Variants in CTNNA2 observed in about 807,000 individuals in gnomAD.
The protein encoded by CTNNA2 is catenin alpha 2.
CTNNA2 carries 42 observed loss-of-function variants against 101.0 expected under a neutral mutation model. That is an observed-to-expected ratio of 0.42 (90% CI 0.32 to 0.54). The LOEUF (loss-of-function observed/expected upper bound fraction) is 0.54, where lower values mean the gene tolerates loss of function less well. Among genes scored for constraint, CTNNA2 ranks in the 20% least tolerant of loss-of-function variants. The pLI, the probability that CTNNA2 is intolerant of heterozygous loss-of-function variation, is 0.14. For missense variants in CTNNA2, 871 were observed against 1,223.1 expected (o/e 0.71, Z 4.29); for synonymous variants, 450 against 456.4 (o/e 0.99, Z 0.18).
chr2:79,359,799 C>A (rs1165993023), intron 3 of CTNNA2, among the ~76,000 whole-genome samples: 1 of 149,804 alleles, frequency 6.7e-6, no homozygotes, highest in African/African-American at 2.4e-5. Flanking sequence ...TTTTTTTTTT[C>A]TGTAATACTA....
chr2:79,806,608 C>T (rs1022802641), intron 3 of CTNNA2, among the ~76,000 whole-genome samples: 13 of 151,990 alleles, frequency 8.6e-5, no homozygotes, highest in African/African-American at 3.1e-4. Flanking sequence ...GTGCACACTA[C>T]CTCCTCCCAT....
At chr2:80,358,806 A>G (rs890440753) in intron 7 of CTNNA2, among the ~76,000 whole-genome samples, 1 of 152,178 alleles carries the variant, frequency 6.6e-6, no homozygotes, top group African/African-American at 2.4e-5. Flanking sequence ...TGAATATGTT[A>G]ACATTGTAAA....
At chr2:80,563,448 C>A (rs1236273578) in intron 12 of CTNNA2, among the ~76,000 whole-genome samples, 3 of 152,190 alleles carry the variant, frequency 2.0e-5, no homozygotes, top group Admixed American at 2.0e-4. Context: ...GGAACCTTTG[C>A]ATGTAGCCGG....
chr2:80,107,319 A>G (rs927537817), intron 7 of CTNNA2, among the ~76,000 whole-genome samples: 2 of 152,136 alleles, frequency 1.3e-5, no homozygotes, highest in Non-Finnish European at 1.5e-5. Context: ...CTCAGTCAGT[A>G]GAGAGAGAAA....
At chr2:80,419,366 G>A in intron 8 of CTNNA2, 83 bp from the exon 9 acceptor site, 1 of 1,103,694 alleles carries the variant, frequency 9.1e-7, no homozygotes, top group Non-Finnish European at 1.3e-6. Flanking sequence ...GGTAATGAGA[G>A]CTCAAAAACA....
intron 2 of CTNNA2, among the ~76,000 whole-genome samples, chr2:79,221,433 G>T (rs1674344113): frequency 6.6e-6 from 1 of 152,164 alleles, no homozygotes; most frequent in East Asian, 1.9e-4. Context: ...ACAGGCATGA[G>T]CCACTGCAGC....
chr2:79,312,346 A>G (rs1274884757), intron 2 of CTNNA2, among the ~76,000 whole-genome samples: 1 of 152,206 alleles, frequency 6.6e-6, no homozygotes, highest in Non-Finnish European at 1.5e-5. Context: ...TTACTTGTGA[A>G]GTGAACTGTG....
At chr2:79,465,757 G>A (rs973091710) in intron 4 of CTNNA2, among the ~76,000 whole-genome samples, 7 of 149,706 alleles carry the variant, frequency 4.7e-5, no homozygotes, top group African/African-American at 1.5e-4. Flanking sequence ...GTGAATGGGA[G>A]TTCACTCATG....
At chr2:80,208,531 G>A (rs1399097667) in intron 7 of CTNNA2, among the ~76,000 whole-genome samples, 1 of 152,136 alleles carries the variant, frequency 6.6e-6, no homozygotes, top group Non-Finnish European at 1.5e-5. Flanking sequence ...CATGAAAGGA[G>A]CACTTGAGGT....
chr2:79,295,205 G>C (rs887130015), intron 2 of CTNNA2, among the ~76,000 whole-genome samples: 1 of 152,014 alleles, frequency 6.6e-6, no homozygotes, highest in Non-Finnish European at 1.5e-5. Flanking sequence ...CTCACATTTT[G>C]TCCTCTTTCC....
At chr2:79,249,028 C>T (rs1226117700) in intron 2 of CTNNA2, among the ~76,000 whole-genome samples, 1 of 152,148 alleles carries the variant, frequency 6.6e-6, no homozygotes, top group Non-Finnish European at 1.5e-5. Context: ...ATTTCACAGG[C>T]TTTGGAGTCA....
At chr2:80,050,507 C>T (rs1558761542) in intron 7 of CTNNA2, among the ~76,000 whole-genome samples, 1 of 152,142 alleles carries the variant, frequency 6.6e-6, no homozygotes, top group Admixed American at 6.5e-5. Flanking sequence ...GCTATCTGTG[C>T]CATCTGTTGA....
chr2:80,412,951 A>G lies in CTNNA2; in HGVS notation c.1138-6498A>G, dbSNP rs547653096. On this transcript the variant is annotated intron_variant, in intron 8 of 18. Transcript: ENST00000402739. ...GGTGTCCAACGTCCATTGGCCCTAA[A>G]CATGACACATGGCCAAGCCCAGAGT... is the stretch of plus-strand genomic sequence containing the variant. Among the ~76,000 whole-genome samples the G allele has an allele frequency of 2.8e-4, 43 of 152,308 alleles. 1 individual carries two copies. The South Asian group carries it at 8.7e-3, about 31-fold the overall frequency.
chr2:79,199,921 C>T (rs11673888), intron 2 of CTNNA2, among the ~76,000 whole-genome samples: 24,974 of 152,042 alleles, frequency 0.16, 2,245 homozygotes, highest in Middle Eastern at 0.18. Context: ...TTCCCTTTTC[C>T]CTGTAACCTA....
chr2:79,341,776 G>A (rs981636164), intron 3 of CTNNA2, among the ~76,000 whole-genome samples: 1 of 152,204 alleles, frequency 6.6e-6, no homozygotes, highest in Non-Finnish European at 1.5e-5. Flanking sequence ...TGAATGCGCA[G>A]GTGTCACCTG....
intron 2 of CTNNA2, among the ~76,000 whole-genome samples, chr2:79,264,893 T>G (rs1674969959): frequency 6.6e-6 from 1 of 152,132 alleles, no homozygotes; most frequent in Non-Finnish European, 1.5e-5. Flanking sequence ...TAGCTTTACA[T>G]TCGAGACTGC....
upstream of CTNNA2, among the ~76,000 whole-genome samples, chr2:79,511,519 C>T (rs1671540259): frequency 6.6e-6 from 1 of 152,156 alleles, no homozygotes; most frequent in Non-Finnish European, 1.5e-5. Flanking sequence ...CACGCGGTGT[C>T]ACTGTCCGTG....
intron 9 of CTNNA2, among the ~76,000 whole-genome samples, chr2:80,498,688 AT>A (rs1371258710): frequency 6.6e-6 from 1 of 152,230 alleles, no homozygotes; most frequent in African/African-American, 2.4e-5. Flanking sequence ...TCCTGCCAGC[AT>A]TTCAGCATTC....
At position 79,911,593 on chromosome 2, in the gene CTNNA2, G is replaced by A. The variant is rs544107560; in HGVS notation, c.1056+1796G>A. Among the ~76,000 whole-genome samples the A allele has an allele frequency of 2.0e-4, 31 of 152,252 alleles. No individual in the cohort carries two copies. The East Asian group carries it at 6.0e-3, about 29-fold the overall frequency. On this transcript the variant is annotated intron_variant, in intron 7 of 18. Transcript: ENST00000402739. ...GATTTTTGTATTTTATTGACTCCAG[G>A]CACTTTTTGTTTTCTGTTCGCAGCC... is the stretch of plus-strand genomic sequence containing the variant.
Sources: allele counts gnomAD v4.1 joint callset (sites outside exome capture counted in the v4.1 genomes callset), GRCh38; gene constraint gnomAD v4.1.1; transcripts MANE v1.5; gene names NCBI Gene and HGNC (gene_info 2026-07-23, HGNC 2026-07-21).